Variants in ARHGEF10L observed in about 807,000 individuals in gnomAD.
ARHGEF10L encodes Rho guanine nucleotide exchange factor 10 like.
ARHGEF10L carries 69 observed loss-of-function variants against 141.2 expected under a neutral mutation model. The observed-to-expected ratio is 0.49, with a 90% CI of 0.40 to 0.60. The LOEUF (loss-of-function observed/expected upper bound fraction) is 0.60, where lower values mean the gene tolerates loss of function less well. Among genes scored for constraint, ARHGEF10L ranks in the 20% least tolerant of loss-of-function variants. The probability of loss-of-function intolerance (pLI) is 0.00; values close to 1 mark genes in which losing one functional copy is unlikely to be tolerated. For missense variants in ARHGEF10L, 1,482 were observed against 1,734.3 expected (o/e 0.85, Z 2.58); for synonymous variants, 711 against 718.5 (o/e 0.99, Z 0.17).
intron 25 of ARHGEF10L, among the ~76,000 whole-genome samples, chr1:17,657,243 T>C (rs2062325271): frequency 6.6e-6 from 1 of 152,220 alleles, no homozygotes; most frequent in African/African-American, 2.4e-5. Flanking sequence ...AGGGCAGGGC[T>C]AACCGTGTTT....
chr1:17,678,932 T>A (rs936646451), intron 26 of ARHGEF10L, among the ~76,000 whole-genome samples: 1 of 152,200 alleles, frequency 6.6e-6, no homozygotes, highest in Non-Finnish European at 1.5e-5. Flanking sequence ...TTTATAGACC[T>A]CTTGGAAATG....
intron 27 of ARHGEF10L, chr1:17,689,890 C>T (rs1442100505): frequency 4.4e-6 from 2 of 455,266 alleles, no homozygotes; most frequent in Non-Finnish European, 8.8e-6. Context: ...ACAGACCTGG[C>T]TGTAGTTAGA....
chr1:17,694,156 G>C (rs1022285765), intron 27 of ARHGEF10L: 1 of 152,298 alleles, frequency 6.6e-6, no homozygotes, highest in African/African-American at 2.4e-5. Context: ...TAACCCAATG[G>C]AGAGTATCTG....
the ARHGEF10L span, among the ~76,000 whole-genome samples, chr1:17,519,905 C>G: frequency 1.3e-5 from 2 of 152,094 alleles, no homozygotes; most frequent in Admixed American, 6.5e-5. Context: ...TGTCACATGG[C>G]TGGAGAGGGC....
chr1:17,655,172 C>T (rs767297045), intron 23 of ARHGEF10L, among the ~76,000 whole-genome samples: 2 of 152,178 alleles, frequency 1.3e-5, no homozygotes, highest in African/African-American at 2.4e-5. Flanking sequence ...AAATTGTGCC[C>T]TGTCATTGCT....
At chr1:17,561,437 C>T (rs1570474152) in intron 1 of ARHGEF10L, among the ~76,000 whole-genome samples, 1 of 152,198 alleles carries the variant, frequency 6.6e-6, no homozygotes, top group Non-Finnish European at 1.5e-5. Flanking sequence ...GGTCCTGCCC[C>T]CCGCAGCCTT....
chr1:17,530,044 G>C, the ARHGEF10L span, among the ~76,000 whole-genome samples: 1 of 152,020 alleles, frequency 6.6e-6, no homozygotes, highest in Admixed American at 6.6e-5. Context: ...TGTTGGCCAG[G>C]CTGGTCTTGA....
chr1:17,565,695 G>A (rs76176338), intron 1 of ARHGEF10L, among the ~76,000 whole-genome samples: 6 of 151,908 alleles, frequency 3.9e-5, no homozygotes, highest in African/African-American at 1.2e-4. Flanking sequence ...GCTAGGCTCC[G>A]GGACACAGGG....
intron 1 of ARHGEF10L, among the ~76,000 whole-genome samples, chr1:17,569,040 C>A (rs1014895650): frequency 6.6e-6 from 1 of 152,154 alleles, no homozygotes; most frequent in Non-Finnish European, 1.5e-5. Flanking sequence ...AGCTGAAAGA[C>A]CTTGGGTCTA....
At chr1:17,538,283 C>A (rs1015904164), upstream of ARHGEF10L, among the ~76,000 whole-genome samples, 19 of 147,306 alleles carry the variant, frequency 1.3e-4, no homozygotes, top group African/African-American at 5.2e-4. Context: ...CAAACCTCTC[C>A]TGTCTGCTGT....
At chr1:17,564,066 G>A (rs562321175) in intron 1 of ARHGEF10L, among the ~76,000 whole-genome samples, 12 of 152,308 alleles carry the variant, frequency 7.9e-5, no homozygotes, top group Middle Eastern at 3.4e-3. Context: ...TCCAGGCTTG[G>A]TCTGACATCA....
At chr1:17,636,526 C>A (rs1432573953) in intron 18 of ARHGEF10L, among the ~76,000 whole-genome samples, 1 of 152,046 alleles carries the variant, frequency 6.6e-6, no homozygotes, top group Non-Finnish European at 1.5e-5. Context: ...TGGCTCAGGC[C>A]CTGGTAGAGC....
chr1:17,544,816 A>G (rs886845612), intron 1 of ARHGEF10L, among the ~76,000 whole-genome samples: 3 of 152,194 alleles, frequency 2.0e-5, no homozygotes, highest in East Asian at 3.8e-4. Context: ...ACAGTTCCAC[A>G]TGGCTGGGGA....
chr1:17,617,210 G>A (rs1392155868), intron 9 of ARHGEF10L, among the ~76,000 whole-genome samples: 1 of 152,186 alleles, frequency 6.6e-6, no homozygotes, highest in Non-Finnish European at 1.5e-5. Flanking sequence ...CCCATTAGAG[G>A]GTTTTACGCA....
In ARHGEF10L at chr1:17,627,436, T is replaced by A. The variant is rs1189130728; in HGVS notation, c.1517T>A (p.Leu506Gln). ...LAEKLNEQKRLADQVAEIQQL... is the reference protein window; with the variant it reads ...LAEKLNEQKRQADQVAEIQQL... ...GAGAAGCTGAACGAGCAGAAGCGGC[T>A]GGCTGACCAGGTGGCTGAGATCCAG... Residue 506 changes from leucine (L) to glutamine (Q), a missense_variant, in exon 15 of 29, where the codon CTG becomes CAG. This residue lies in a region of ARHGEF10L where 392 missense variants were observed against 542.1 expected (regional missense o/e 0.72). Transcript: ENST00000361221. The surrounding 1 kb of genome is among the most constrained non-coding windows in gnomAD (Gnocchi z 4.0). 4 of 1,613,526 alleles carry A rather than the reference T, an allele frequency of 2.5e-6. No homozygotes were observed. The highest frequency in any genetic ancestry group is 3.4e-6 in the Non-Finnish European group (4 of 1,180,036).
chr1:17,551,043 G>A (rs1274266347), intron 1 of ARHGEF10L, among the ~76,000 whole-genome samples: 2 of 152,022 alleles, frequency 1.3e-5, no homozygotes, highest in Non-Finnish European at 2.9e-5. Flanking sequence ...GCACCTGCCA[G>A]CAGGTGCACG....
intron 26 of ARHGEF10L, among the ~76,000 whole-genome samples, chr1:17,666,609 C>T (rs2102208749): frequency 6.6e-6 from 1 of 152,250 alleles, no homozygotes; most frequent in South Asian, 2.1e-4. Context: ...GAGGGAAACT[C>T]CTGCCTTAGC....
intron 1 of ARHGEF10L, among the ~76,000 whole-genome samples, chr1:17,546,139 C>T (rs143797295): frequency 3.9e-5 from 6 of 152,172 alleles, no homozygotes; most frequent in South Asian, 4.1e-4. Flanking sequence ...GTGTGGATCA[C>T]CCTGCTTCCC....
At chr1:17,523,742 G>A in the ARHGEF10L span, among the ~76,000 whole-genome samples, 1 of 152,174 alleles carries the variant, frequency 6.6e-6, no homozygotes, top group East Asian at 1.9e-4. Flanking sequence ...ATGGGTTCTA[G>A]AGTTGTTTCT....
Sources: gnomAD v4.1 joint callset for allele counts (sites outside exome capture counted in the v4.1 genomes callset) on GRCh38, gnomAD v4.1.1 for gene constraint, gnomAD v4.1.1 regional missense constraint, Gnocchi (gnomAD v3.1) non-coding constraint, MANE v1.5 for transcripts, NCBI Gene and HGNC (gene_info 2026-07-23, HGNC 2026-07-21) for gene names.